FRMD4A: variants seen among roughly 807,000 people sequenced by gnomAD.
FRMD4A encodes the protein FERM domain containing 4A.
Under a neutral mutation model 129.1 loss-of-function variants are expected in FRMD4A, and 29 were observed. The observed-to-expected ratio is 0.22, with a 90% CI of 0.17 to 0.31. The LOEUF is 0.31. Among genes scored for constraint, FRMD4A ranks in the 10% least tolerant of loss-of-function variants. The pLI is 1.00. For synonymous variants in FRMD4A, 634 were observed against 571.6 expected, an observed-to-expected ratio of 1.11 and a Z score of -1.56; for missense variants, 1,272 against 1,375.8, an observed-to-expected ratio of 0.92 and a Z score of 1.19.
At chr10:14,053,866 A>C (rs1430470929) in intron 2 of FRMD4A, among the ~76,000 whole-genome samples, 2 of 152,092 alleles carry the variant, frequency 1.3e-5, no homozygotes, top group Non-Finnish European at 2.9e-5. Context: ...TCTACAAAAA[A>C]ATGAAAAAAC....
intron 2 of FRMD4A, among the ~76,000 whole-genome samples, chr10:14,188,781 C>T (rs1486764374): frequency 1.3e-5 from 2 of 152,188 alleles, no homozygotes; most frequent in African/African-American, 4.8e-5. Context: ...TGGCATGCGC[C>T]TGTGGTCCCA....
chr10:13,974,084 G>C (rs1254850379), intron 2 of FRMD4A, among the ~76,000 whole-genome samples: 1 of 149,032 alleles, frequency 6.7e-6, no homozygotes, highest in Non-Finnish European at 1.5e-5. Flanking sequence ...CTGGAGTGCA[G>C]TGGTGCGATT....
intron 2 of FRMD4A, among the ~76,000 whole-genome samples, chr10:14,121,214 A>G (rs574456007): frequency 1.3e-5 from 2 of 152,112 alleles, no homozygotes; most frequent in Non-Finnish European, 2.9e-5. Flanking sequence ...GTAAACATAC[A>G]AAAGTTAGCC....
intron 12 of FRMD4A, among the ~76,000 whole-genome samples, chr10:13,732,892 G>T (rs1330464576): frequency 6.6e-6 from 1 of 152,250 alleles, no homozygotes; most frequent in East Asian, 1.9e-4. Context: ...AGCACAGAGG[G>T]CTGCCAGTGG....
rs118140878 is a variant in FRMD4A at position 14,160,456 on chromosome 10, A to C, written c.45+169602T>G. On this transcript the variant is annotated intron_variant, in intron 2 of 24. Transcript: ENST00000357447. ...GACAAGTGGAACTACATTAAGCTAA[A>C]AAGCTACTGCCCAGAAAAAGAAACA... Among the ~76,000 whole-genome samples the C allele has an allele frequency of 9.2e-5, 14 of 152,332 alleles. No individual in the cohort carries two copies. In the East Asian group the frequency reaches 1.9e-3, roughly 21 times the overall value.
At chr10:13,946,040 A>G (rs2095329011) in intron 2 of FRMD4A, among the ~76,000 whole-genome samples, 1 of 152,234 alleles carries the variant, frequency 6.6e-6, no homozygotes, top group African/African-American at 2.4e-5. Context: ...GGGAAGTAAA[A>G]AACAGGACTG....
intron 23 of FRMD4A, chr10:13,653,589 G>T (rs539592000): frequency 6.6e-6 from 1 of 152,430 alleles, no homozygotes; most frequent in South Asian, 2.1e-4. Flanking sequence ...CCAGTTGTCA[G>T]GTTTTCCCAG....
chr10:14,048,322 G>C (rs1834076794), intron 2 of FRMD4A, among the ~76,000 whole-genome samples: 1 of 152,194 alleles, frequency 6.6e-6, no homozygotes, highest in African/African-American at 2.4e-5. Context: ...AGCAAACTTT[G>C]TAACTGCCTA....
At chr10:13,845,459 G>T (rs2094030662) in intron 3 of FRMD4A, among the ~76,000 whole-genome samples, 1 of 152,172 alleles carries the variant, frequency 6.6e-6, no homozygotes, top group Admixed American at 6.5e-5. Context: ...AAATCGTATA[G>T]AAGACCAGAT....
intron 2 of FRMD4A, among the ~76,000 whole-genome samples, chr10:13,964,405 T>C (rs1273796854): frequency 1.3e-5 from 2 of 149,094 alleles, no homozygotes; most frequent in Non-Finnish European, 3.0e-5. Flanking sequence ...TTCAGATTGT[T>C]GGTCTTATTT....
intron 2 of FRMD4A, among the ~76,000 whole-genome samples, chr10:14,163,100 A>C (rs2131872964): frequency 6.6e-6 from 1 of 152,316 alleles, no homozygotes; most frequent in African/African-American, 2.4e-5. Context: ...TTGAGTTCTC[A>C]ATGCTAATTT....
chr10:13,707,844 A>T (rs955398931), intron 12 of FRMD4A: 21 of 985,212 alleles, frequency 2.1e-5, no homozygotes, highest in Non-Finnish European at 2.5e-5. Flanking sequence ...GAGAAGTGGA[A>T]TGAAGGGGCC....
chr10:14,198,913 A>G (rs1440658451), intron 2 of FRMD4A, among the ~76,000 whole-genome samples: 1 of 152,256 alleles, frequency 6.6e-6, no homozygotes, highest in Admixed American at 6.5e-5. Flanking sequence ...TGTGAGGTTT[A>G]AATGAGACAC....
At chr10:13,991,749 C>T (rs2095604309) in intron 2 of FRMD4A, 1 of 152,516 alleles carries the variant, frequency 6.6e-6, no homozygotes, top group East Asian at 1.9e-4. Context: ...TGTTGGTTTC[C>T]CTTACAGAAA....
chr10:13,652,434 T>C (rs1027772215), intron 23 of FRMD4A: 8 of 168,586 alleles, frequency 4.7e-5, no homozygotes, highest in Non-Finnish European at 5.1e-5. Context: ...TTCAGAAAAG[T>C]TGGAAGATCT....
intron 2 of FRMD4A, among the ~76,000 whole-genome samples, chr10:14,098,261 C>T (rs1305387105): frequency 7.9e-5 from 12 of 151,146 alleles, no homozygotes. Flanking sequence ...TCTAGTAAAT[C>T]CATTCCTGTA....
At chr10:14,201,552 C>T (rs558600870) in intron 2 of FRMD4A, among the ~76,000 whole-genome samples, 6 of 152,292 alleles carry the variant, frequency 3.9e-5, no homozygotes, top group South Asian at 2.1e-4. Context: ...CTCTCCCATT[C>T]GCTTTTCTGC....
intron 2 of FRMD4A, among the ~76,000 whole-genome samples, chr10:14,142,684 T>C (rs1419244340): frequency 3.3e-5 from 5 of 152,180 alleles, no homozygotes; most frequent in African/African-American, 1.2e-4. Flanking sequence ...TCCAGATGGG[T>C]AAAGAGAAGT....
intron 2 of FRMD4A, among the ~76,000 whole-genome samples, chr10:13,863,800 A>C (rs1349399449): frequency 6.6e-6 from 1 of 152,054 alleles, no homozygotes; most frequent in Non-Finnish European, 1.5e-5. Flanking sequence ...TTTATCTAGA[A>C]AGATGAGTGA....
Sources: gnomAD v4.1 joint callset for allele counts (sites outside exome capture counted in the v4.1 genomes callset) on GRCh38, gnomAD v4.1.1 for gene constraint, MANE v1.5 for transcripts, NCBI Gene and HGNC (gene_info 2026-07-23, HGNC 2026-07-21) for gene names.